The following WWOX variants were observed in gnomAD, a reference collection of about 807,000 sequenced individuals.
WWOX encodes the protein WW domain containing oxidoreductase, also known as WW domain-containing oxidoreductase.
WWOX carries 69 observed loss-of-function variants against 46.2 expected under a neutral mutation model. The observed-to-expected ratio is 1.49, with a 90% confidence interval of 1.23 to 1.82. The LOEUF (loss-of-function observed/expected upper bound fraction) is 1.82, where lower values mean the gene tolerates loss of function less well. WWOX is among the 40% of genes most tolerant of loss of function. WWOX has a pLI of 0.00. For synonymous variants in WWOX, 359 were observed against 202.6 expected, an observed-to-expected ratio of 1.77 and a Z score of -6.56; for missense variants, 919 against 542.6, an observed-to-expected ratio of 1.69 and a Z score of -6.89.
At chr16:79,082,179 C>G (rs1470503505) in intron 8 of WWOX, among the ~76,000 whole-genome samples, 1 of 152,194 alleles carries the variant, frequency 6.6e-6, no homozygotes, top group Admixed American at 6.5e-5. Context: ...ATCTGATTCC[C>G]TGACACTCAC....
At chr16:78,964,218 T>C (rs760576029) in intron 8 of WWOX, among the ~76,000 whole-genome samples, 13 of 151,990 alleles carry the variant, frequency 8.6e-5, no homozygotes, top group Non-Finnish European at 1.6e-4. Flanking sequence ...GTTAGAACCG[T>C]TGGGAGGTCT....
intron 8 of WWOX, among the ~76,000 whole-genome samples, chr16:78,770,356 A>C (rs2050034290): frequency 6.6e-6 from 1 of 151,138 alleles, no homozygotes; most frequent in South Asian, 2.1e-4. Context: ...GTCTCAAACA[A>C]AAAAAAAATT....
At chr16:79,046,314 G>C (rs1412355662) in intron 8 of WWOX, among the ~76,000 whole-genome samples, 1 of 152,174 alleles carries the variant, frequency 6.6e-6, no homozygotes, top group African/African-American at 2.4e-5. Context: ...CCAGCACATA[G>C]TAGATGATCA....
At chr16:78,819,440 C>G (rs932316334) in intron 8 of WWOX, among the ~76,000 whole-genome samples, 4 of 152,218 alleles carry the variant, frequency 2.6e-5, no homozygotes, top group Non-Finnish European at 5.9e-5. Flanking sequence ...CTTTCCATGA[C>G]AATGACCCAA....
intron 8 of WWOX, among the ~76,000 whole-genome samples, chr16:79,007,902 A>T (rs770626455): frequency 6.6e-6 from 1 of 152,214 alleles, no homozygotes; most frequent in Admixed American, 6.5e-5. Flanking sequence ...ATGATTCCTC[A>T]TAACAACCTT....
At chr16:78,416,752 T>G (rs1370161611) in intron 6 of WWOX, among the ~76,000 whole-genome samples, 1 of 152,246 alleles carries the variant, frequency 6.6e-6, no homozygotes. Context: ...GAATTTAATT[T>G]TGTCTTGTGG....
At chr16:78,665,495 G>A (rs915950463) in intron 8 of WWOX, among the ~76,000 whole-genome samples, 1 of 152,072 alleles carries the variant, frequency 6.6e-6, no homozygotes, top group Admixed American at 6.5e-5. Flanking sequence ...GGAATCTGGG[G>A]GCAAGAGACG....
intron 5 of WWOX, among the ~76,000 whole-genome samples, chr16:78,322,898 C>G (rs1384384722): frequency 1.3e-5 from 2 of 152,110 alleles, no homozygotes; most frequent in African/African-American, 4.8e-5. Flanking sequence ...TTTTCATGAT[C>G]ACAACTTACT....
chr16:78,540,898 C>A (rs1322427969), intron 8 of WWOX, among the ~76,000 whole-genome samples: 9 of 152,098 alleles, frequency 5.9e-5, no homozygotes, highest in Non-Finnish European at 2.9e-5. Flanking sequence ...GCTGCCTAGG[C>A]TGATCTAGAA....
intron 5 of WWOX, among the ~76,000 whole-genome samples, chr16:78,361,738 A>T (rs8052976): frequency 6.6e-6 from 1 of 151,910 alleles, no homozygotes; most frequent in Non-Finnish European, 1.5e-5. Flanking sequence ...CAGCCTCCCA[A>T]GGAGCTGGGA....
chr16:78,720,053 A>C (rs2048654558), intron 8 of WWOX, among the ~76,000 whole-genome samples: 2 of 152,244 alleles, frequency 1.3e-5, no homozygotes. Flanking sequence ...GACTGTTTTC[A>C]GAAAACAACG....
At chr16:78,150,628 C>G (rs146472157) in intron 4 of WWOX, among the ~76,000 whole-genome samples, 4,464 of 151,990 alleles carry the variant, frequency 0.029, 239 homozygotes, top group African/African-American at 0.1. Flanking sequence ...AGCAATCCTC[C>G]TGCCTCGGCC....
chr16:79,027,931 T>C (rs1352458609), intron 8 of WWOX, among the ~76,000 whole-genome samples: 2 of 151,624 alleles, frequency 1.3e-5, no homozygotes, highest in African/African-American at 4.9e-5. Context: ...TGCTTTATTT[T>C]CCTTTGTTTT....
chr16:78,688,875 G>T (rs2047922725), intron 8 of WWOX, among the ~76,000 whole-genome samples: 1 of 152,050 alleles, frequency 6.6e-6, no homozygotes, highest in Non-Finnish European at 1.5e-5. Context: ...TTCATGGTAG[G>T]GAGTGAGTTC....
At chr16:78,779,658 T>A (rs1422758413) in intron 8 of WWOX, among the ~76,000 whole-genome samples, 1 of 152,170 alleles carries the variant, frequency 6.6e-6, no homozygotes, top group Non-Finnish European at 1.5e-5. Context: ...AGGGCCCCAG[T>A]TCACACTGCT....
At chr16:78,289,096 C>G (rs2079818276) in intron 5 of WWOX, among the ~76,000 whole-genome samples, 1 of 152,086 alleles carries the variant, frequency 6.6e-6, no homozygotes, top group African/African-American at 2.4e-5. Context: ...GGAAGGCAGC[C>G]CTGGCTGGAA....
intron 8 of WWOX, among the ~76,000 whole-genome samples, chr16:78,870,615 T>A (rs926465424): frequency 6.6e-6 from 1 of 152,222 alleles, no homozygotes; most frequent in African/African-American, 2.4e-5. Context: ...TTTTTTTCTT[T>A]TTTGGAGACG....
intron 8 of WWOX, among the ~76,000 whole-genome samples, chr16:78,841,093 A>G (rs1258574886): frequency 6.6e-6 from 1 of 152,092 alleles, no homozygotes; most frequent in Non-Finnish European, 1.5e-5. Flanking sequence ...CCAGACATTC[A>G]TTTCGGTAAA....
chr16:78,222,427 C>G (rs1003516605), intron 5 of WWOX, among the ~76,000 whole-genome samples: 1 of 151,814 alleles, frequency 6.6e-6, no homozygotes, highest in South Asian at 2.1e-4. Flanking sequence ...CTTTCATGTC[C>G]TGTAATGAGT....
Sources: gnomAD v4.1 joint callset for allele counts (sites outside exome capture counted in the v4.1 genomes callset) on GRCh38, gnomAD v4.1.1 for gene constraint, MANE v1.5 for transcripts, NCBI Gene and HGNC (gene_info 2026-07-23, HGNC 2026-07-21) for gene names.